LOXL3: variants seen among roughly 807,000 people sequenced by gnomAD.
LOXL3 encodes the protein lysyl oxidase homolog 3.
In LOXL3, 60 loss-of-function variants were observed where a neutral mutation model predicts 91.8. That is an observed-to-expected ratio of 0.65 (90% CI 0.53 to 0.81). LOXL3 has a LOEUF of 0.81. Ranked by LOEUF, LOXL3 falls within the 30% of genes least tolerant of loss-of-function variation. The pLI, the probability that LOXL3 is intolerant of heterozygous loss-of-function variation, is 0.00. For synonymous variants in LOXL3, 355 were observed against 387.6 expected (o/e 0.92, Z 0.99); for missense variants, 874 against 1,000.4 (o/e 0.87, Z 1.70).
At chr2:74,555,612 C>G, upstream of LOXL3, 1 of 1,614,212 alleles carries the variant, frequency 6.2e-7, no homozygotes, top group Non-Finnish European at 8.5e-7. This position sits in a 1 kb window ranked among gnomAD's most constrained non-coding sequence, Gnocchi z 6.1. Flanking sequence ...GATAACCCAC[C>G]TAAGCTTTCT....
rs1558619259 is a variant in LOXL3, at chr2:74,536,013, T to C, written c.1231A>G (p.Thr411Ala). ...TGACTGACCCTGGTCTCTGCCCCAG[T>C]GTAAGGTAGGTTGCACCGGACCCCG... The part of the protein sequence containing the change: ...DAGVRCNLPY[T>A]GAETRIRLSG... The change falls in exon 7 of 14, where the codon ACT becomes GCT. Residue 411 changes from threonine to alanine, a missense_variant. By Grantham distance (58) the Thr-to-Ala change is moderately conservative (BLOSUM62 0). Coordinates refer to ENST00000264094, the MANE Select transcript of LOXL3 (RefSeq NM_032603.5). This position sits in a 1 kb window ranked among gnomAD's most constrained non-coding sequence, Gnocchi z 4.5. 2 of 1,586,786 alleles carry C rather than the reference T, an allele frequency of 1.3e-6. No homozygotes were observed. The highest frequency in any genetic ancestry group is 2.2e-5 in the East Asian group (1 of 44,802).
At chr2:74,555,185 C>A (rs202112164), upstream of LOXL3, 6 of 1,613,294 alleles carry the variant, frequency 3.7e-6, no homozygotes, top group East Asian at 1.3e-4. The surrounding 1 kb of genome is among the most constrained non-coding windows in gnomAD (Gnocchi z 6.1). Context: ...GTGCTCTACC[C>A]GGCCAGTCCC....
Position 74,533,092 on chromosome 2 carries a change from G to T in LOXL3, c.*514C>A. Reference sequence around the variant, plus strand: ...GGGTTAAATGAACCAGTGGGGGCAGGTCCCTCCAACCACCAGCACTGACTC... The same window carrying T: ...GGGTTAAATGAACCAGTGGGGGCAGTTCCCTCCAACCACCAGCACTGACTC... On this transcript the variant is annotated 3_prime_UTR_variant, in exon 14 of 14. Coordinates refer to ENST00000264094, the MANE Select transcript of LOXL3 (RefSeq NM_032603.5). The T allele has an allele frequency of 1.5e-5, 16 of 1,045,614 alleles. No homozygotes were observed. The highest frequency in any genetic ancestry group is 2.0e-5 in the Non-Finnish European group (14 of 683,998). 64.8% of individuals were successfully genotyped at this position (1,045,614 alleles called of 1,614,324 possible). A position where few individuals can be genotyped will look rare whatever the true frequency, so the allele number is the denominator to read the frequency against.
At position 74,534,253 on chromosome 2, in the gene LOXL3, A is replaced by G; in HGVS notation, c.1940-17T>C. ...TGGAGACATCTGGAGGGATTGGCAT[A>G]TGTCAGTGTAAGGAAAGGCTGTGCA... On this transcript the variant is annotated splice_polypyrimidine_tract_variant and intron_variant, in intron 11 of 13. Coordinates refer to ENST00000264094, the MANE Select transcript of LOXL3 (RefSeq NM_032603.5). The G allele has an allele frequency of 3.7e-6, 6 of 1,614,204 alleles. No homozygotes were observed. Among genetic ancestry groups the G allele is most frequent in the Middle Eastern group, 3.3e-4 (2 of 6,062 alleles).
At chr2:74,537,098 G>A (rs922851427) in intron 4 of LOXL3, among the ~76,000 whole-genome samples, 170 bp from the exon 5 acceptor site, 4 of 152,222 alleles carry the variant, frequency 2.6e-5, no homozygotes, top group African/African-American at 9.6e-5. Context: ...GGGGATTGCT[G>A]AGTTTCCAGG....
rs1675902952 is a variant in LOXL3 at position 74,534,841 on chromosome 2, C to G, written c.1580-67G>C. Reference sequence around the variant, plus strand: ...CTTCACAGAGAGGGGTGCTTCCATCCCTCCCTAGTGTGTAAGACTAGTTTT... The same window carrying G: ...CTTCACAGAGAGGGGTGCTTCCATCGCTCCCTAGTGTGTAAGACTAGTTTT... On this transcript the variant is annotated intron_variant, in intron 9 of 13. Coordinates refer to ENST00000264094, the MANE Select transcript of LOXL3 (RefSeq NM_032603.5). The G allele has an allele frequency of 1.9e-6, 3 of 1,551,160 alleles. No homozygotes were observed. The South Asian group carries it at 3.4e-5, about 18-fold the overall frequency.
Position 74,533,263 on chromosome 2 carries a change from G to A in LOXL3, c.*343C>T, listed in dbSNP as rs111827916. 1.1e-4 allele frequency: 61 copies of A among 543,254 alleles called. No homozygotes were observed. Among genetic ancestry groups the A allele is most frequent in the Admixed American group, 2.9e-4 (9 of 31,398 alleles). The allele number at this position is 543,254 out of a possible 1,614,324, so 33.7% of individuals were successfully genotyped here. On this transcript the variant is annotated 3_prime_UTR_variant, in exon 14 of 14. Transcript: ENST00000264094. The stretch of plus-strand genomic sequence containing the variant: ...TAAAGCTGTATCCCCCTAAACTTAG[G>A]GGAGATACTGGAGCTGACCATCCTG...
At chr2:74,542,117 A>C (rs1207106667) in intron 4 of LOXL3, among the ~76,000 whole-genome samples, 1 of 152,082 alleles carries the variant, frequency 6.6e-6, no homozygotes, top group Non-Finnish European at 1.5e-5. Context: ...ACACAGTGAG[A>C]CCTCGTCTCT....
chr2:74,534,558 T>C lies in LOXL3; in HGVS notation c.1796A>G (p.His599Arg), dbSNP rs374446328. The C allele has an allele frequency of 6.2e-7, 1 of 1,614,074 alleles. No homozygotes were observed. Among genetic ancestry groups the C allele is most frequent in the East Asian group, 2.2e-5 (1 of 44,876 alleles). The change falls in exon 10 of 14, where the codon CAC becomes CGC. Residue 599 changes from histidine to arginine, a missense_variant. By Grantham distance (29) the His-to-Arg change is conservative. Transcript: ENST00000264094. ...RADFRPKAGR[H>R]SWVWHECHGH... ...ATGGCACTCGTGCCACACCCAGGAG[T>C]GGCGCCCAGCCTTGGGCCTGAAGTC...
chr2:74,533,691 A>G lies in LOXL3; in HGVS notation c.2189-12T>C. On this transcript the variant is annotated splice_polypyrimidine_tract_variant and intron_variant, in intron 13 of 13. Transcript: ENST00000264094. Reference sequence around the variant, plus strand: ...ACTGAAGGCATCACCTGCAGAGTGGACAGGCAATTTGGGAGGCGCCCTGCA... The same window carrying G: ...ACTGAAGGCATCACCTGCAGAGTGGGCAGGCAATTTGGGAGGCGCCCTGCA... 1 of 1,613,734 alleles carries G rather than the reference A, an allele frequency of 6.2e-7. No individual in the cohort carries two copies. Among genetic ancestry groups the G allele is most frequent in the Non-Finnish European group, 8.5e-7 (1 of 1,179,762 alleles).
At position 74,535,830 on chromosome 2, in the gene LOXL3, G is replaced by A; in HGVS notation, c.1249-75C>T. 2 of 1,503,346 alleles carry A rather than the reference G, an allele frequency of 1.3e-6. No individual in the cohort carries two copies. The highest frequency in any genetic ancestry group is 1.8e-6 in the Non-Finnish European group (2 of 1,127,774). The allele number at this position is 1,503,346 out of a possible 1,614,324, so 93.1% of individuals were successfully genotyped here. A position where few individuals can be genotyped will look rare whatever the true frequency, so the allele number is the denominator to read the frequency against. On this transcript the variant is annotated intron_variant, in intron 7 of 13. Transcript: ENST00000264094. The surrounding 1 kb of genome is among the most constrained non-coding windows in gnomAD (Gnocchi z 4.2). The stretch of plus-strand genomic sequence containing the variant: ...GTGGGAGTCTCTAACAGATGTGGCT[G>A]AAGCGTGACTCAGGCACATAATGGG...
At position 74,549,381 on chromosome 2, in the gene LOXL3, G is replaced by A. The variant is rs760921521; in HGVS notation, c.680C>T (p.Ala227Val). ...CGCGGCCCCTCACCTGTAGAAGGCC[G>A]CGTTGACCCTCTTTTCGCTGGGGAA... The part of the protein sequence containing the change: ...LGFPSEKRVN[A>V]AFYRLLAQRQ... Residue 227 changes from alanine (A) to valine (V), a missense_variant, in exon 4 of 14, where the codon GCG (alanine) becomes GTG (valine). Ala to Val is a moderately conservative substitution (Grantham distance 64). Coordinates refer to ENST00000264094, the MANE Select transcript of LOXL3 (RefSeq NM_032603.5). This position sits in a 1 kb window ranked among gnomAD's most constrained non-coding sequence, Gnocchi z 5.3. The A allele has an allele frequency of 3.1e-6, 5 of 1,606,468 alleles. No individual in the cohort carries two copies. In the African/African-American group the frequency reaches 6.7e-5, roughly 22 times the overall value.
At chr2:74,555,339 T>G (rs770658265), upstream of LOXL3, 4 of 1,613,762 alleles carry the variant, frequency 2.5e-6, no homozygotes, top group South Asian at 3.3e-5. This position sits in a 1 kb window ranked among gnomAD's most constrained non-coding sequence, Gnocchi z 6.1. Context: ...AGACCCCCCC[T>G]GAGCCCGGCG....
chr2:74,555,114 G>A (rs1348839906), upstream of LOXL3: 4 of 1,575,214 alleles, frequency 2.5e-6, no homozygotes, highest in African/African-American at 5.4e-5. This position sits in a 1 kb window ranked among gnomAD's most constrained non-coding sequence, Gnocchi z 6.1. Context: ...GGCCGCCTGC[G>A]CACGCCACTC....
At chr2:74,555,043 G>T, upstream of LOXL3, 2 of 1,443,244 alleles carry the variant, frequency 1.4e-6, no homozygotes, top group South Asian at 1.3e-5. The surrounding 1 kb of genome is among the most constrained non-coding windows in gnomAD (Gnocchi z 6.1). Context: ...CCCCAACCCC[G>T]TTTGGAAGCC....
upstream of LOXL3, chr2:74,554,624 C>A: frequency 2.4e-6 from 2 of 824,124 alleles, no homozygotes; most frequent in Non-Finnish European, 3.8e-6. The surrounding 1 kb of genome is among the most constrained non-coding windows in gnomAD (Gnocchi z 4.9). Flanking sequence ...TCCCTCACCC[C>A]ACCGCGACCC....
chr2:74,533,865 C>G lies in LOXL3; in HGVS notation c.2188+17G>C. The G allele has an allele frequency of 6.3e-7, 1 of 1,594,970 alleles. No homozygotes were observed. The highest frequency in any genetic ancestry group is 8.6e-7 in the Non-Finnish European group (1 of 1,163,220). The stretch of plus-strand genomic sequence containing the variant: ...CCCATCCCCTAATCTTCCTGGGTTG[C>G]TCTTCCCATCAAATACCAATGTGGC... On this transcript the variant is annotated intron_variant, in intron 13 of 13. Coordinates refer to ENST00000264094, the MANE Select transcript of LOXL3 (RefSeq NM_032603.5).
intron 2 of LOXL3, among the ~76,000 whole-genome samples, chr2:74,551,366 A>G (rs1677000097): frequency 1.3e-5 from 2 of 152,224 alleles, no homozygotes; most frequent in South Asian, 4.1e-4. Flanking sequence ...GGAGACACCT[A>G]GCTCCTGCCC....
rs1210520405 is a variant in LOXL3 at position 74,550,354 on chromosome 2, G to A, written c.314-6C>T. The A allele has an allele frequency of 6.2e-7, 1 of 1,612,496 alleles. No homozygotes were observed. Among genetic ancestry groups the A allele is most frequent in the African/African-American group, 1.3e-5 (1 of 74,898 alleles). On this transcript the variant is annotated splice_polypyrimidine_tract_variant and splice_region_variant and intron_variant, in intron 2 of 13. Transcript: ENST00000264094. ...GTTGTCCAGCCAGATGCGGCCTGTG[G>A]AAGGGGAGATGAAGGGACAGAGAAG...
Sources: gnomAD v4.1 joint callset for allele counts (sites outside exome capture counted in the v4.1 genomes callset) on GRCh38, gnomAD v4.1.1 for gene constraint, Gnocchi (gnomAD v3.1) non-coding constraint, MANE v1.5 for transcripts, NCBI Gene and HGNC (gene_info 2026-07-23, HGNC 2026-07-21) for gene names.